ANK2: variants seen among roughly 807,000 people sequenced by gnomAD.
ANK2 encodes the protein ankyrin-2.
In ANK2, 83 loss-of-function variants were observed where a neutral mutation model predicts 360.5. The ratio of observed to expected loss-of-function variants is 0.23; its 90% CI spans 0.19 to 0.28. ANK2 has a LOEUF of 0.28. Among genes scored for constraint, ANK2 ranks in the 10% least tolerant of loss-of-function variants. ANK2 has a pLI of 1.00. For missense variants in ANK2, 4,201 were observed against 4,795.7 expected (o/e 0.88, Z 3.66); for synonymous variants, 1,740 against 1,759.5 (o/e 0.99, Z 0.28).
At chr4:113,149,252 G>T (rs1202775410) in intron 1 of ANK2, 1 of 152,142 alleles carries the variant, frequency 6.6e-6, no homozygotes, top group East Asian at 1.9e-4. Context: ...TTTATTGAAA[G>T]ATTTTTGGGA....
intron 39 of ANK2, 61 bp downstream of exon 39, chr4:113,360,958 C>A: frequency 7.2e-7 from 1 of 1,398,202 alleles, no homozygotes; most frequent in South Asian, 1.2e-5. Context: ...AGTCAGGTGT[C>A]ATTCACAGCA....
At chr4:112,990,553 A>G (rs2046400989) in intron 2 of ANK2, among the ~76,000 whole-genome samples, 1 of 151,966 alleles carries the variant, frequency 6.6e-6, no homozygotes, top group Admixed American at 6.6e-5. Context: ...TGTTTCAGAG[A>G]CAGAGATTGA....
At chr4:113,226,838 G>A (rs1384409680) in intron 4 of ANK2, among the ~76,000 whole-genome samples, 1 of 152,190 alleles carries the variant, frequency 6.6e-6, no homozygotes, top group Non-Finnish European at 1.5e-5. Flanking sequence ...CAGAACTACT[G>A]TAACAACTGG....
chr4:113,363,520 C>T, intron 40 of ANK2, 51 bp downstream of exon 40: 2 of 1,606,992 alleles, frequency 1.2e-6, no homozygotes, highest in Non-Finnish European at 1.7e-6. Context: ...ATGTCTTGCT[C>T]AACAACCGCA....
intron 9 of ANK2, among the ~76,000 whole-genome samples, chr4:113,245,475 C>A (rs895916421): frequency 1.3e-5 from 2 of 152,158 alleles, no homozygotes; most frequent in African/African-American, 2.4e-5. Context: ...AGGAAACTTA[C>A]AATCATGGCA....
chr4:112,942,029 T>C (rs2094260329), intron 2 of ANK2, among the ~76,000 whole-genome samples: 1 of 151,976 alleles, frequency 6.6e-6, no homozygotes, highest in Non-Finnish European at 1.5e-5. Flanking sequence ...TTTTTATGTG[T>C]GTTTGATAAA....
chr4:113,223,575 GA>G lies in ANK2; in HGVS notation c.385-8585del, dbSNP rs572190990. The stretch of plus-strand genomic sequence containing the variant: ...GGTTCCAGGTAAGATAGCATTTGAA[GA>G]GCTAAATGACTACAAAATCTGAAAA... On this transcript the variant is annotated intron_variant, in intron 4 of 45. Transcript: ENST00000357077. Among the ~76,000 whole-genome samples the G allele has an allele frequency of 1.1e-3, 169 of 152,222 alleles. 1 individual carries two copies. Among genetic ancestry groups the G allele is most frequent in the African/African-American group, 3.8e-3 (159 of 41,526 alleles).
the ANK2 span, among the ~76,000 whole-genome samples, chr4:112,743,946 A>G: frequency 6.6e-6 from 1 of 151,492 alleles, no homozygotes; most frequent in African/African-American, 2.4e-5. Context: ...CTCCTGCCTC[A>G]GCCTCCCGAG....
chr4:113,119,061 T>C (rs1038242282), intron 1 of ANK2, among the ~76,000 whole-genome samples: 5 of 152,220 alleles, frequency 3.3e-5, no homozygotes, highest in African/African-American at 4.8e-5. Context: ...CCAGTTGTTG[T>C]TGAGAATCTC....
At chr4:113,090,807 G>A (rs2154353236) in intron 1 of ANK2, among the ~76,000 whole-genome samples, 1 of 152,306 alleles carries the variant, frequency 6.6e-6, no homozygotes, top group South Asian at 2.1e-4. Flanking sequence ...CTGAATAGAA[G>A]TTACCCTCGT....
chr4:112,815,651 A>G (rs887534575), upstream of ANK2, among the ~76,000 whole-genome samples: 3 of 152,144 alleles, frequency 2.0e-5, no homozygotes, highest in African/African-American at 7.2e-5. Context: ...GATCCACCAC[A>G]CCTCCATAGA....
chr4:112,726,800 A>G, the ANK2 span, among the ~76,000 whole-genome samples: 3 of 150,234 alleles, frequency 2.0e-5, no homozygotes, highest in Non-Finnish European at 3.0e-5. Flanking sequence ...GCAGTGAGCC[A>G]AGATCACCGC....
intron 1 of ANK2, among the ~76,000 whole-genome samples, chr4:112,861,600 A>G (rs1217799542): frequency 6.6e-6 from 1 of 152,202 alleles, no homozygotes; most frequent in Non-Finnish European, 1.5e-5. Context: ...CTTTGAAGCA[A>G]GTTACTTGAG....
the ANK2 span, among the ~76,000 whole-genome samples, chr4:112,721,541 C>CAAAAAAA: frequency 6.4e-5 from 3 of 46,876 alleles, no homozygotes; most frequent in East Asian, 1.4e-3. Flanking sequence ...GACCCCATCT[C>CAAAAAAA]AAAAAAAAAA....
chr4:113,073,591 C>T (rs1041512030), intron 1 of ANK2, among the ~76,000 whole-genome samples: 5 of 152,092 alleles, frequency 3.3e-5, no homozygotes, highest in African/African-American at 1.2e-4. Flanking sequence ...TTTTTCTCTA[C>T]AGTCAGCTTT....
At chr4:112,983,290 A>T (rs1287761724) in intron 2 of ANK2, among the ~76,000 whole-genome samples, 1 of 151,964 alleles carries the variant, frequency 6.6e-6, no homozygotes, top group African/African-American at 2.4e-5. Context: ...TTATTTAGGT[A>T]GTGACAAAAA....
the ANK2 span, chr4:112,787,995 A>G: frequency 1.4e-6 from 1 of 693,244 alleles, no homozygotes; most frequent in Non-Finnish European, 2.5e-6. Context: ...CAGAGGACAC[A>G]TATTATGTAT....
intron 4 of ANK2, among the ~76,000 whole-genome samples, chr4:113,220,494 A>T (rs554452751): frequency 2.3e-3 from 352 of 152,298 alleles, no homozygotes; most frequent in Non-Finnish European, 3.7e-3. Context: ...TTGTTTTTTT[A>T]AAAAATTTAT....
chr4:113,371,283 T>G (rs563522270), intron 43 of ANK2, among the ~76,000 whole-genome samples: 2 of 152,320 alleles, frequency 1.3e-5, no homozygotes, highest in South Asian at 4.1e-4. Context: ...AGATGAGAAC[T>G]GTGTCCTGAT....
Sources: gnomAD v4.1 joint callset for allele counts (sites outside exome capture counted in the v4.1 genomes callset) on GRCh38, gnomAD v4.1.1 for gene constraint, MANE v1.5 for transcripts, NCBI Gene and HGNC (gene_info 2026-07-23, HGNC 2026-07-21) for gene names.